GALNT17: variants seen among roughly 807,000 people sequenced by gnomAD.
GALNT17 encodes UDP-GalNAc:polypeptide N-acetylgalactosaminyltransferase-like 3.
A neutral mutation model predicts 63.7 loss-of-function variants in GALNT17; 29 were observed. That is an observed-to-expected ratio of 0.46 (90% CI 0.34 to 0.62). The LOEUF (loss-of-function observed/expected upper bound fraction) is 0.62, where lower values mean the gene tolerates loss of function less well. Ranked by LOEUF, GALNT17 falls within the 20% of genes least tolerant of loss-of-function variation. The pLI is 0.01. For missense variants in GALNT17, 603 were observed against 799.6 expected (o/e 0.75, Z 2.97); for synonymous variants, 305 against 318.3 (o/e 0.96, Z 0.45).
At chr7:71,289,568 T>G (rs918329719) in intron 1 of GALNT17, among the ~76,000 whole-genome samples, 9 of 151,542 alleles carry the variant, frequency 5.9e-5, no homozygotes, top group African/African-American at 2.2e-4. Context: ...AAACCCCATC[T>G]CTACTAAAAA....
chr7:71,456,107 G>A (rs561517686), intron 5 of GALNT17, among the ~76,000 whole-genome samples: 3 of 152,090 alleles, frequency 2.0e-5, no homozygotes, highest in East Asian at 2.0e-4. Context: ...TTATCTGGGC[G>A]TGGTGCCACG....
At chr7:71,459,833 C>T (rs1485623529) in intron 5 of GALNT17, among the ~76,000 whole-genome samples, 1 of 152,202 alleles carries the variant, frequency 6.6e-6, no homozygotes, top group African/African-American at 2.4e-5. Context: ...TCTACTGTCT[C>T]TAAGGGCAGC....
chr7:71,644,580 A>G (rs1440019722), intron 6 of GALNT17, among the ~76,000 whole-genome samples: 1 of 150,690 alleles, frequency 6.6e-6, no homozygotes, highest in Non-Finnish European at 1.5e-5. Context: ...AGAAAGAAAG[A>G]AAAGAAAAAA....
chr7:71,432,891 C>T (rs1786893356), intron 5 of GALNT17, among the ~76,000 whole-genome samples: 2 of 152,134 alleles, frequency 1.3e-5, no homozygotes, highest in Admixed American at 1.3e-4. Context: ...CTCACTGCAA[C>T]CTCCACCTTC....
chr7:71,505,037 C>T (rs752299169), intron 5 of GALNT17, among the ~76,000 whole-genome samples: 1 of 152,188 alleles, frequency 6.6e-6, no homozygotes, highest in Non-Finnish European at 1.5e-5. Flanking sequence ...TGTGTGCATA[C>T]ACTGCATCAT....
At chr7:71,180,152 G>T (rs554048881) in intron 1 of GALNT17, among the ~76,000 whole-genome samples, 6 of 152,068 alleles carry the variant, frequency 3.9e-5, no homozygotes, top group Admixed American at 3.3e-4. Context: ...TTGAGATGGA[G>T]TGTCGCTCTG....
chr7:71,573,613 C>T (rs767863747), intron 6 of GALNT17, among the ~76,000 whole-genome samples: 4 of 152,178 alleles, frequency 2.6e-5, no homozygotes, highest in African/African-American at 4.8e-5. Flanking sequence ...GGATTACAGG[C>T]GTGAGCCACC....
At chr7:71,551,877 A>G (rs1489766593) in intron 5 of GALNT17, among the ~76,000 whole-genome samples, 1 of 152,142 alleles carries the variant, frequency 6.6e-6, no homozygotes, top group African/African-American at 2.4e-5. Flanking sequence ...ACTTCTGCCA[A>G]GAGCACAGGA....
rs529738141 is a variant in GALNT17 at position 71,387,308 on chromosome 7, A to C, written c.423-927A>C. Among the ~76,000 whole-genome samples, 4 of 150,180 alleles carry C rather than the reference A, an allele frequency of 2.7e-5. No individual in the cohort carries two copies. The South Asian group carries it at 8.6e-4, about 32-fold the overall frequency. On this transcript the variant is annotated intron_variant, in intron 2 of 10. Transcript: ENST00000333538. Reference sequence around the variant, plus strand: ...TACTTTTGCACCAACCTAATACATCAGTTCCTGGTGTTCTTTTTTTGGGGG... The same window carrying C: ...TACTTTTGCACCAACCTAATACATCCGTTCCTGGTGTTCTTTTTTTGGGGG...
chr7:71,663,378 C>A (rs1175444071), intron 6 of GALNT17, among the ~76,000 whole-genome samples: 1 of 152,128 alleles, frequency 6.6e-6, no homozygotes, highest in Admixed American at 6.5e-5. Context: ...TTGTGAGACC[C>A]TGATTCTTTA....
At chr7:71,523,048 A>G (rs1788556402) in intron 5 of GALNT17, among the ~76,000 whole-genome samples, 1 of 152,138 alleles carries the variant, frequency 6.6e-6, no homozygotes, top group Non-Finnish European at 1.5e-5. Flanking sequence ...TCTATGGTAC[A>G]TAAAAAGCTA....
chr7:71,664,394 G>A (rs1042417175), intron 6 of GALNT17, among the ~76,000 whole-genome samples: 16 of 152,250 alleles, frequency 1.1e-4, no homozygotes, highest in African/African-American at 3.9e-4. Context: ...AGAATCGCTT[G>A]AGACCAGGAG....
At chr7:71,231,518 A>G (rs1044215085) in intron 1 of GALNT17, among the ~76,000 whole-genome samples, 13 of 152,090 alleles carry the variant, frequency 8.5e-5, no homozygotes, top group East Asian at 3.9e-4. Context: ...ATGAAATACC[A>G]TAGACTGAGT....
intron 1 of GALNT17, among the ~76,000 whole-genome samples, chr7:71,187,613 A>G (rs1788875525): frequency 6.6e-6 from 1 of 152,118 alleles, no homozygotes; most frequent in Non-Finnish European, 1.5e-5. Flanking sequence ...AATTCTTTTC[A>G]GAGTACACTT....
Position 71,148,860 on chromosome 7 carries a change from T to TATATATATATATATA in GALNT17, c.238+15820_238+15821insATATATATATATATA, listed in dbSNP as rs1554333242. On this transcript the variant is annotated intron_variant, in intron 1 of 10. Transcript: ENST00000333538. Reference sequence around the variant, plus strand: ...GAAATACAGTAGTATTATGGTATTTTTATATATATATATATATATATATAT... The same window carrying TATATATATATATATA: ...GAAATACAGTAGTATTATGGTATTTTATATATATATATATATATATATATATATATATATATATAT... Among the ~76,000 whole-genome samples the TATATATATATATATA allele has an allele frequency of 3.6e-3, 375 of 102,990 alleles. 7 individuals carry two copies. The highest frequency in any genetic ancestry group is 9.4e-3 in the African/African-American group (239 of 25,298). The allele number at this position is 102,990 out of a possible 152,430, so 67.6% of individuals were successfully genotyped here. A position where few individuals can be genotyped will look rare whatever the true frequency, so the allele number is the denominator to read the frequency against.
In GALNT17 at chr7:71,478,932, A is replaced by G. The variant is rs941142049; in HGVS notation, c.962+57827A>G. On this transcript the variant is annotated intron_variant, in intron 5 of 10. Coordinates refer to ENST00000333538, the MANE Select transcript of GALNT17 (RefSeq NM_022479.3). ...TTTTGATAAATCCCTTTTCTCTGAA[A>G]CTAGCTCAATTTGGTTCTGGAGACC... is the stretch of plus-strand genomic sequence containing the variant. Among the ~76,000 whole-genome samples, 8 of 152,174 alleles carry G rather than the reference A, an allele frequency of 5.3e-5. No individual in the cohort carries two copies. The South Asian group carries it at 6.2e-4, about 12-fold the overall frequency.
chr7:71,411,053 G>C (rs1025503565), intron 3 of GALNT17, among the ~76,000 whole-genome samples: 2 of 152,182 alleles, frequency 1.3e-5, no homozygotes, highest in Non-Finnish European at 1.5e-5. Context: ...TTTTCTTAGT[G>C]TTCTTATAAT....
intron 5 of GALNT17, among the ~76,000 whole-genome samples, chr7:71,434,001 T>G (rs1413895796): frequency 6.6e-6 from 1 of 152,136 alleles, no homozygotes; most frequent in African/African-American, 2.4e-5. Context: ...CCTCCATCTT[T>G]TTCCTGTGCC....
chr7:71,184,451 C>CTGATGG (rs1284617793), intron 1 of GALNT17, among the ~76,000 whole-genome samples: 4 of 152,144 alleles, frequency 2.6e-5, no homozygotes, highest in Middle Eastern at 3.2e-3. Context: ...ATCATCAGAG[C>CTGATGG]CCATCTGCTG....
Sources: gnomAD v4.1 joint callset for allele counts (sites outside exome capture counted in the v4.1 genomes callset) on GRCh38, gnomAD v4.1.1 for gene constraint, MANE v1.5 for transcripts, NCBI Gene and HGNC (gene_info 2026-07-23, HGNC 2026-07-21) for gene names.